The following NOL4 variants were observed in gnomAD, a reference collection of about 807,000 sequenced individuals.
NOL4 encodes the protein cancer/testis antigen 125.
In NOL4, 17 loss-of-function variants were observed where a neutral mutation model predicts 75.9. The ratio of observed to expected loss-of-function variants is 0.22; its 90% confidence interval spans 0.15 to 0.34. The LOEUF (loss-of-function observed/expected upper bound fraction) is 0.34. Among genes scored for constraint, NOL4 ranks in the 10% least tolerant of loss-of-function variants. The pLI is 1.00. For missense variants in NOL4, 614 were observed against 793.5 expected, an observed-to-expected ratio of 0.77 and a Z score of 2.72; for synonymous variants, 292 against 289.9, an observed-to-expected ratio of 1.01 and a Z score of -0.07.
chr18:33,885,333 C>A (rs1029841267), intron 9 of NOL4, among the ~76,000 whole-genome samples: 2 of 152,070 alleles, frequency 1.3e-5, no homozygotes, highest in East Asian at 3.9e-4. Context: ...AGGATCACAT[C>A]AAGTGAAAAC....
chr18:33,888,266 G>T (rs2064883073), intron 9 of NOL4, among the ~76,000 whole-genome samples: 1 of 151,460 alleles, frequency 6.6e-6, no homozygotes, highest in South Asian at 2.1e-4. Context: ...TTTTGATGGG[G>T]TTGCTTTTTT....
At chr18:33,928,426 A>C (rs1437670248) in intron 9 of NOL4, among the ~76,000 whole-genome samples, 1 of 152,170 alleles carries the variant, frequency 6.6e-6, no homozygotes, top group Non-Finnish European at 1.5e-5. Flanking sequence ...AGTAAAGTAG[A>C]ATGAGTAATG....
intron 7 of NOL4, 118 bp from the exon 8 acceptor site, chr18:33,957,635 C>T (rs2069751276): frequency 5.4e-6 from 4 of 739,456 alleles, no homozygotes; most frequent in Non-Finnish European, 6.1e-6. Flanking sequence ...CACTGGAGAA[C>T]TTTGCAATGG....
intron 2 of NOL4, 75 bp downstream of exon 2, chr18:34,129,796 C>A: frequency 7.7e-7 from 1 of 1,295,466 alleles, no homozygotes; most frequent in Non-Finnish European, 1.0e-6. Context: ...TTATAATTAT[C>A]GAACCCATTT....
At chr18:33,894,372 C>T (rs1245510772) in intron 9 of NOL4, among the ~76,000 whole-genome samples, 1 of 152,100 alleles carries the variant, frequency 6.6e-6, no homozygotes, top group Non-Finnish European at 1.5e-5. Context: ...CAACAACACA[C>T]AGGAAATAAT....
intron 6 of NOL4, among the ~76,000 whole-genome samples, chr18:33,992,446 T>A (rs1053212809): frequency 2.0e-5 from 3 of 151,936 alleles, no homozygotes; most frequent in Non-Finnish European, 4.4e-5. Flanking sequence ...ACAAAAAGTC[T>A]CTGGAAGTCA....
chr18:33,966,508 C>T (rs2070608283), intron 6 of NOL4, among the ~76,000 whole-genome samples: 1 of 152,164 alleles, frequency 6.6e-6, no homozygotes. Flanking sequence ...CAAATCATCT[C>T]TCTTTGCAGA....
At chr18:34,114,588 A>G (rs1019792749) in intron 2 of NOL4, among the ~76,000 whole-genome samples, 18 of 152,126 alleles carry the variant, frequency 1.2e-4, no homozygotes, top group Admixed American at 8.5e-4. Context: ...AGGAATCTAG[A>G]TTTGTTTTCT....
intron 9 of NOL4, 44 bp from the exon 10 acceptor site, chr18:33,883,468 C>A: frequency 6.7e-7 from 1 of 1,496,346 alleles, no homozygotes; most frequent in Non-Finnish European, 9.0e-7. Flanking sequence ...CCTCACAGTG[C>A]TATTTCACCT....
Position 34,173,566 on chromosome 18 carries a change from G to A in NOL4, c.265-43546C>T, listed in dbSNP as rs1169381069. 3.3e-5 allele frequency among the ~76,000 whole-genome samples: 5 copies of A among 152,010 alleles called. No homozygotes were observed. The East Asian group carries it at 9.6e-4, about 29-fold the overall frequency. ...AATTAAAATAAAATAATAAAATAGT[G>A]TTTTAAAGTTATTTGATATGAAAAT... On this transcript the variant is annotated intron_variant, in intron 1 of 10. Coordinates refer to ENST00000261592, the MANE Select transcript of NOL4 (RefSeq NM_003787.5).
chr18:34,134,139 CAT>C lies in NOL4; in HGVS notation c.265-4121_265-4120del, dbSNP rs1408636301. On this transcript the variant is annotated intron_variant, in intron 1 of 10. Transcript: ENST00000261592. Reference sequence around the variant, plus strand: ...TATTTTAACATATATAGATGTTTTACATGTGTGTGTCAGTTTTATGACTTATC... The same window carrying C: ...TATTTTAACATATATAGATGTTTTACGTGTGTGTCAGTTTTATGACTTATC... Among the ~76,000 whole-genome samples the C allele has an allele frequency of 4.6e-5, 7 of 152,070 alleles. No homozygotes were observed. The East Asian group carries it at 7.7e-4, about 17-fold the overall frequency.
intron 6 of NOL4, among the ~76,000 whole-genome samples, chr18:33,992,700 T>C (rs2073011033): frequency 6.6e-6 from 1 of 151,978 alleles, no homozygotes; most frequent in Non-Finnish European, 1.5e-5. Context: ...TCCTTATTGC[T>C]AAAGCCAAGT....
intron 1 of NOL4, among the ~76,000 whole-genome samples, chr18:34,199,941 T>C (rs931081247): frequency 6.6e-6 from 1 of 151,832 alleles, no homozygotes; most frequent in Non-Finnish European, 1.5e-5. Context: ...GTCCTATAAC[T>C]GGATACCAAC....
chr18:34,223,294 CT>C lies in NOL4; in HGVS notation c.-42del. 6.2e-7 allele frequency: 1 copy of C among 1,603,494 alleles called. No homozygotes were observed. Among genetic ancestry groups the C allele is most frequent in the East Asian group, 2.2e-5 (1 of 44,798 alleles). ...CCGCTGGCCGGATGCTCCCAGCGCA[CT>C]TCGCACCTGTTCACCCTAGGCTCAT... is the stretch of plus-strand genomic sequence containing the variant. On this transcript the variant is annotated 5_prime_UTR_variant, in exon 1 of 11. Coordinates refer to ENST00000261592, the MANE Select transcript of NOL4 (RefSeq NM_003787.5).
At chr18:33,967,396 G>T (rs1398951377) in intron 6 of NOL4, among the ~76,000 whole-genome samples, 5 of 152,072 alleles carry the variant, frequency 3.3e-5, no homozygotes, top group African/African-American at 1.2e-4. Context: ...TACTCTTGTG[G>T]ACATCATCTT....
intron 5 of NOL4, among the ~76,000 whole-genome samples, chr18:34,040,131 A>G (rs1031590641): frequency 1.3e-5 from 2 of 151,946 alleles, no homozygotes; most frequent in Non-Finnish European, 2.9e-5. Flanking sequence ...CTGTATTCAA[A>G]ATTTTGGTGA....
At chr18:34,037,191 C>A (rs997040205) in intron 5 of NOL4, among the ~76,000 whole-genome samples, 8 of 152,006 alleles carry the variant, frequency 5.3e-5, no homozygotes, top group African/African-American at 1.9e-4. Flanking sequence ...TACAAAAAAT[C>A]CCAAGAAATA....
chr18:33,983,619 T>A (rs1035718651), intron 6 of NOL4, among the ~76,000 whole-genome samples: 5 of 152,062 alleles, frequency 3.3e-5, no homozygotes, highest in African/African-American at 9.7e-5. Flanking sequence ...TATGCACACA[T>A]ATACACATAT....
chr18:34,004,320 C>T (rs948961645), intron 6 of NOL4, among the ~76,000 whole-genome samples: 5 of 152,204 alleles, frequency 3.3e-5, no homozygotes, highest in African/African-American at 4.8e-5. Flanking sequence ...TCGCCCAAGG[C>T]TGTGCCATGG....
Sources: gnomAD v4.1 joint callset for allele counts (sites outside exome capture counted in the v4.1 genomes callset) on GRCh38, gnomAD v4.1.1 for gene constraint, MANE v1.5 for transcripts, NCBI Gene and HGNC (gene_info 2026-07-23, HGNC 2026-07-21) for gene names.